The following IL1RAPL2 variants were observed in gnomAD, a reference collection of about 807,000 sequenced individuals.
IL1RAPL2 encodes the protein X-linked interleukin-1 receptor accessory protein-like 2.
Under a neutral mutation model 44.1 loss-of-function variants are expected in IL1RAPL2, and 3 were observed. That is an observed-to-expected ratio of 0.07 (90% CI 0.03 to 0.18). The LOEUF (loss-of-function observed/expected upper bound fraction) is 0.18, where lower values mean the gene tolerates loss of function less well. Ranked by LOEUF, IL1RAPL2 falls within the 10% of genes least tolerant of loss-of-function variation. The pLI is 1.00. For missense variants in IL1RAPL2, 391 were observed against 496.4 expected (o/e 0.79, Z 2.02); for synonymous variants, 181 against 178.8 (o/e 1.01, Z -0.10).
chrX:104,612,123 C>T (rs1929174909), intron 1 of IL1RAPL2, among the ~76,000 whole-genome samples: 1 of 111,755 alleles, frequency 8.9e-6, no homozygotes, highest in Non-Finnish European at 1.9e-5. Context: ...AATATTTTCT[C>T]CCAATAGGTA....
intron 2 of IL1RAPL2, among the ~76,000 whole-genome samples, chrX:104,700,191 T>C (rs1442812487): frequency 8.9e-6 from 1 of 112,095 alleles, no homozygotes; most frequent in Non-Finnish European, 1.9e-5. Context: ...AAGAAGTACT[T>C]TCTGACATCA....
At chrX:105,326,684 TA>T (rs923868682) in intron 5 of IL1RAPL2, among the ~76,000 whole-genome samples, 1 of 111,763 alleles carries the variant, frequency 8.9e-6, no homozygotes, top group African/African-American at 3.3e-5. Context: ...TGTACCTATG[TA>T]AAAAATATTA....
rs192542340 is a variant in IL1RAPL2 at position 105,589,175 on chromosome X, T to C, written c.772+104788T>C. On this transcript the variant is annotated intron_variant, in intron 6 of 10. Coordinates refer to ENST00000372582, the MANE Select transcript of IL1RAPL2 (RefSeq NM_017416.2). ...TTTTTTCATATATTTGTTGGCCATA[T>C]GTATGTTTTCTTTTGAAAAGTATCT... is the stretch of plus-strand genomic sequence containing the variant. Among the ~76,000 whole-genome samples the C allele has an allele frequency of 1.2e-3, 138 of 112,434 alleles. 3 individuals are homozygous for C. The East Asian group carries it at 0.021, about 17-fold the overall frequency.
At chrX:105,526,857 G>A (rs1325728547) in intron 6 of IL1RAPL2, among the ~76,000 whole-genome samples, 1 of 111,152 alleles carries the variant, frequency 9.0e-6, no homozygotes, top group African/African-American at 3.3e-5. Flanking sequence ...TGCTTTCTGG[G>A]CAGGAGACAT....
At chrX:105,216,303 C>T (rs781821334) in intron 3 of IL1RAPL2, among the ~76,000 whole-genome samples, 1 of 110,843 alleles carries the variant, frequency 9.0e-6, no homozygotes, top group African/African-American at 3.3e-5. Context: ...ACAAGCGTTC[C>T]TATACACCAA....
chrX:104,589,250 C>T (rs185998215), intron 1 of IL1RAPL2, among the ~76,000 whole-genome samples: 5 of 112,019 alleles, frequency 4.5e-5, no homozygotes, highest in African/African-American at 9.7e-5. Context: ...ATAGGCCATC[C>T]GCAAGTTTAG....
intron 2 of IL1RAPL2, among the ~76,000 whole-genome samples, chrX:105,105,572 G>A (rs191140283): frequency 3.4e-4 from 38 of 112,469 alleles, no homozygotes; most frequent in African/African-American, 1.2e-3. Flanking sequence ...GAGTACAGAG[G>A]AGGAAACTAG....
intron 10 of IL1RAPL2, among the ~76,000 whole-genome samples, chrX:105,759,656 A>C (rs767831444): frequency 6.2e-5 from 7 of 112,180 alleles, no homozygotes; most frequent in Non-Finnish European, 9.4e-5. Context: ...AAAAAGTATA[A>C]TGTCTGATTA....
At chrX:105,374,133 A>G (rs7049911) in intron 5 of IL1RAPL2, among the ~76,000 whole-genome samples, 1,257 of 98,705 alleles carry the variant, frequency 0.013, 35 homozygotes, top group African/African-American at 0.056. Context: ...AAAAAAAAAA[A>G]AAAGAAAGAA....
chrX:104,807,921 C>T (rs1247742345), intron 2 of IL1RAPL2, among the ~76,000 whole-genome samples: 1 of 111,646 alleles, frequency 9.0e-6, no homozygotes, highest in Non-Finnish European at 1.9e-5. Context: ...TATCTAACTT[C>T]ATACAGCCAA....
At chrX:105,224,554 G>A (rs1411072870) in intron 3 of IL1RAPL2, among the ~76,000 whole-genome samples, 1 of 111,641 alleles carries the variant, frequency 9.0e-6, no homozygotes, top group Non-Finnish European at 1.9e-5. Context: ...AGCTTATTTG[G>A]TGAGACAACT....
At chrX:105,653,170 G>C (rs2037653160) in intron 6 of IL1RAPL2, among the ~76,000 whole-genome samples, 1 of 111,669 alleles carries the variant, frequency 9.0e-6, no homozygotes, top group African/African-American at 3.3e-5. Context: ...GGAAAATATA[G>C]CTTCTGAAAT....
At chrX:104,919,091 A>G (rs1020879690) in intron 2 of IL1RAPL2, among the ~76,000 whole-genome samples, 1 of 111,806 alleles carries the variant, frequency 8.9e-6, no homozygotes, top group Non-Finnish European at 1.9e-5. Flanking sequence ...ATATGTTTCA[A>G]GCATGACATT....
At chrX:104,599,309 G>A (rs926777024) in intron 1 of IL1RAPL2, among the ~76,000 whole-genome samples, 4 of 111,365 alleles carry the variant, frequency 3.6e-5, no homozygotes, top group African/African-American at 9.8e-5. Context: ...GTGCAATGGC[G>A]TGATCATGGC....
At chrX:104,929,511 A>T (rs1362884035) in intron 2 of IL1RAPL2, among the ~76,000 whole-genome samples, 1 of 111,448 alleles carries the variant, frequency 9.0e-6, no homozygotes, top group Non-Finnish European at 1.9e-5. Context: ...CCACTGTCTT[A>T]CCTCAAGTGT....
At chrX:105,666,005 G>A (rs1378225959) in intron 6 of IL1RAPL2, among the ~76,000 whole-genome samples, 2 of 108,380 alleles carry the variant, frequency 1.8e-5, no homozygotes, top group Admixed American at 9.9e-5. Context: ...CTCGTGATCC[G>A]CCTGTCTCAG....
chrX:104,964,788 T>G (rs2030087602), intron 2 of IL1RAPL2, among the ~76,000 whole-genome samples: 1 of 110,771 alleles, frequency 9.0e-6, no homozygotes, highest in Non-Finnish European at 1.9e-5. Context: ...CTGGGAAACA[T>G]ATAAAAAAGT....
chrX:105,715,812 A>C (rs1368528251), intron 6 of IL1RAPL2, among the ~76,000 whole-genome samples: 2 of 111,738 alleles, frequency 1.8e-5, no homozygotes, highest in Non-Finnish European at 3.8e-5. Context: ...CAGAAAATTC[A>C]CATTCACTCC....
chrX:104,571,336 C>T (rs1346054877), intron 1 of IL1RAPL2, among the ~76,000 whole-genome samples: 1 of 111,712 alleles, frequency 9.0e-6, no homozygotes, highest in African/African-American at 3.3e-5. Flanking sequence ...AATCTCTAAC[C>T]ATTTGAGTTG....
Sources: gnomAD v4.1 joint callset for allele counts (sites outside exome capture counted in the v4.1 genomes callset) on GRCh38, gnomAD v4.1.1 for gene constraint, MANE v1.5 for transcripts, NCBI Gene and HGNC (gene_info 2026-07-23, HGNC 2026-07-21) for gene names.